The following GRM8 variants were observed in gnomAD, a reference collection of about 807,000 sequenced individuals.
GRM8 encodes metabotropic glutamate receptor 8.
A neutral mutation model predicts 87.2 loss-of-function variants in GRM8; 47 were observed. The ratio of observed to expected loss-of-function variants is 0.54; its 90% confidence interval spans 0.43 to 0.69. GRM8 has a LOEUF of 0.69. Among genes scored for constraint, GRM8 ranks in the 30% least tolerant of loss-of-function variants. GRM8 has a pLI of 0.00. For synonymous variants in GRM8, 396 were observed against 404.5 expected, an observed-to-expected ratio of 0.98 and a Z score of 0.25; for missense variants, 1,019 against 1,139.2, an observed-to-expected ratio of 0.89 and a Z score of 1.52.
intron 2 of GRM8, among the ~76,000 whole-genome samples, chr7:127,160,605 T>C (rs1429984911): frequency 6.6e-6 from 1 of 152,026 alleles, no homozygotes; most frequent in Non-Finnish European, 1.5e-5. Context: ...CTCACATCAA[T>C]AATGGATCTG....
intron 2 of GRM8, among the ~76,000 whole-genome samples, chr7:127,154,433 C>A (rs11974109): frequency 0.19 from 28,431 of 151,976 alleles, 3,014 homozygotes; most frequent in Non-Finnish European, 0.24. Flanking sequence ...CTCTCCCCAG[C>A]CCCTTCCATT....
chr7:126,867,015 T>C lies in GRM8; in HGVS notation c.1156+35527A>G, dbSNP rs117687734. ...ATGATTTGGGGCGTATTATGCATAATTGGTATCACAGCAATATTAGGGGAT... is the reference window on the plus strand; with the variant it reads ...ATGATTTGGGGCGTATTATGCATAACTGGTATCACAGCAATATTAGGGGAT... On this transcript the variant is annotated intron_variant, in intron 6 of 10. Transcript: ENST00000339582. Among the ~76,000 whole-genome samples the C allele has an allele frequency of 2.0e-4, 30 of 152,302 alleles. No homozygotes were observed. In the East Asian group the frequency reaches 5.6e-3, roughly 28 times the overall value.
chr7:126,861,365 T>A (rs1798120954), intron 6 of GRM8, among the ~76,000 whole-genome samples: 1 of 152,094 alleles, frequency 6.6e-6, no homozygotes, highest in African/African-American at 2.4e-5. Context: ...AATTTTTCAC[T>A]ATTAAAATCA....
At chr7:126,496,839 AG>A (rs1407118574) in intron 9 of GRM8, among the ~76,000 whole-genome samples, 2 of 151,320 alleles carry the variant, frequency 1.3e-5, no homozygotes, top group African/African-American at 4.9e-5. Context: ...CTCACAAAAA[AG>A]CCTTTTTAGA....
At chr7:127,076,923 TTAA>T (rs1258624390) in intron 3 of GRM8, among the ~76,000 whole-genome samples, 1 of 152,152 alleles carries the variant, frequency 6.6e-6, no homozygotes, top group African/African-American at 2.4e-5. Context: ...ATCAAAGCCA[TTAA>T]TGAGGAAGAA....
intron 7 of GRM8, among the ~76,000 whole-genome samples, chr7:126,740,756 C>T (rs750554867): frequency 6.6e-6 from 1 of 152,046 alleles, no homozygotes; most frequent in African/African-American, 2.4e-5. Flanking sequence ...GTTTTGGCAG[C>T]AGAGTCTTGT....
intron 2 of GRM8, among the ~76,000 whole-genome samples, chr7:127,141,294 C>T (rs1828243597): frequency 6.6e-6 from 1 of 151,534 alleles, no homozygotes; most frequent in Admixed American, 6.6e-5. Context: ...TGGCTCATGA[C>T]ATTCTAGATA....
At chr7:127,145,293 G>A (rs1051421134) in intron 2 of GRM8, among the ~76,000 whole-genome samples, 2 of 152,020 alleles carry the variant, frequency 1.3e-5, no homozygotes, top group South Asian at 2.1e-4. Flanking sequence ...AATGTCATTC[G>A]CAAATAAGTT....
chr7:126,642,044 G>A (rs1193818182), intron 7 of GRM8, among the ~76,000 whole-genome samples: 1 of 152,162 alleles, frequency 6.6e-6, no homozygotes, highest in Non-Finnish European at 1.5e-5. Flanking sequence ...AAAATGAGTA[G>A]ATATTGGGTA....
intron 6 of GRM8, among the ~76,000 whole-genome samples, chr7:126,899,737 CT>C (rs5887317): frequency 2.0e-4 from 29 of 148,400 alleles, no homozygotes; most frequent in African/African-American, 3.7e-4. Flanking sequence ...GTTATCCCTT[CT>C]TTTTTTTTTT....
chr7:126,473,132 G>A (rs1399238249), intron 9 of GRM8, among the ~76,000 whole-genome samples: 3 of 152,200 alleles, frequency 2.0e-5, no homozygotes, highest in Non-Finnish European at 2.9e-5. Flanking sequence ...TAGTGGAGCT[G>A]TGAGAAGAGG....
chr7:126,446,438 A>C, intron 9 of GRM8, 66 bp from the exon 10 acceptor site: 1 of 1,076,618 alleles, frequency 9.3e-7, no homozygotes, highest in Non-Finnish European at 1.4e-6. Flanking sequence ...AGCAAATAAC[A>C]TACTATTTTC....
intron 6 of GRM8, among the ~76,000 whole-genome samples, chr7:126,839,057 T>TATTATCTCCACACTACTTGCTGCTA (rs1207067582): frequency 2.5e-4 from 38 of 152,270 alleles, no homozygotes; most frequent in Non-Finnish European, 3.8e-4. Context: ...TTAAAACTCT[T>TATTATCTCCACACTACTTGCTGCTA]ATTATCTCCA....
At chr7:126,807,133 A>T (rs2151728383) in intron 6 of GRM8, among the ~76,000 whole-genome samples, 1 of 152,348 alleles carries the variant, frequency 6.6e-6, no homozygotes, top group Non-Finnish European at 1.5e-5. Flanking sequence ...GAAGTACACA[A>T]GCATTACTTT....
At chr7:126,803,914 ATAG>A (rs1329853060) in intron 6 of GRM8, among the ~76,000 whole-genome samples, 2 of 152,256 alleles carry the variant, frequency 1.3e-5, no homozygotes, top group East Asian at 3.8e-4. Flanking sequence ...TGCCTGGCAC[ATAG>A]TAAATCGTCA....
At chr7:126,962,183 C>T (rs1365487519) in intron 3 of GRM8, among the ~76,000 whole-genome samples, 1 of 152,152 alleles carries the variant, frequency 6.6e-6, no homozygotes. Context: ...CTAAGCAATA[C>T]ATTTTATATT....
At chr7:126,910,016 A>T (rs1803127539) in intron 3 of GRM8, among the ~76,000 whole-genome samples, 1 of 151,888 alleles carries the variant, frequency 6.6e-6, no homozygotes, top group Admixed American at 6.5e-5. Context: ...TTTTTTTTTA[A>T]AACCCTGCCA....
rs552787238 is a variant in GRM8 at position 126,701,406 on chromosome 7, G to C, written c.1357+68459C>G. On this transcript the variant is annotated intron_variant, in intron 7 of 10. Transcript: ENST00000339582. ...TAATCCTTGTACCAAATATAGAAGAGGGCTCAGACGCTTCTTATCTCATGG... is the reference window on the plus strand; with the variant it reads ...TAATCCTTGTACCAAATATAGAAGACGGCTCAGACGCTTCTTATCTCATGG... 3.3e-5 allele frequency among the ~76,000 whole-genome samples: 5 copies of C among 152,252 alleles called. No homozygotes were observed. In the East Asian group the frequency reaches 9.7e-4, roughly 29 times the overall value.
chr7:127,189,050 T>C (rs1794885674), intron 2 of GRM8, among the ~76,000 whole-genome samples: 1 of 152,254 alleles, frequency 6.6e-6, no homozygotes, highest in Admixed American at 6.5e-5. Flanking sequence ...AAGTGTCTTT[T>C]ATAGGAATTT....
Sources: allele counts gnomAD v4.1 joint callset (sites outside exome capture counted in the v4.1 genomes callset), GRCh38; gene constraint gnomAD v4.1.1; transcripts MANE v1.5; gene names NCBI Gene and HGNC (gene_info 2026-07-23, HGNC 2026-07-21).